OSBPL10: variants seen among roughly 807,000 people sequenced by gnomAD.
OSBPL10 encodes oxysterol binding protein like 10, also known as oxysterol-binding protein-related protein 10.
In OSBPL10, 49 loss-of-function variants were observed where a neutral mutation model predicts 81.7. That is an observed-to-expected ratio of 0.60 (90% confidence interval 0.48 to 0.76). The LOEUF (loss-of-function observed/expected upper bound fraction) is 0.76, where lower values mean the gene tolerates loss of function less well. OSBPL10 is among the 30% of genes least tolerant of loss of function. OSBPL10 has a pLI of 0.00. For missense variants in OSBPL10, 923 were observed against 987.8 expected (o/e 0.93, Z 0.88); for synonymous variants, 419 against 383.6 (o/e 1.09, Z -1.08).
At chr3:31,687,121 G>GC (rs983052269) in intron 7 of OSBPL10, among the ~76,000 whole-genome samples, 20 of 152,194 alleles carry the variant, frequency 1.3e-4, no homozygotes, top group African/African-American at 4.8e-4. Flanking sequence ...TCCGTCTCCT[G>GC]CTCTCTCCCT....
Position 31,879,689 on chromosome 3 carries a change from C to T in OSBPL10, c.423G>A (p.Val141=). 6.2e-7 allele frequency: 1 copy of T among 1,614,106 alleles called. No individual in the cohort carries two copies. The highest frequency in any genetic ancestry group is 8.5e-7 in the Non-Finnish European group (1 of 1,179,994). Residue 141 remains valine, a synonymous_variant, in exon 2 of 12, where the codon GTG becomes GTA. Transcript: ENST00000396556. ...TAAACATCTCTCCATTAGCAGAGTA[C>T]ACCACCAGCATGTGGGGAGCTTCAT... ...LSDEAPHMLV[V]YSANGEMFKL...
At chr3:32,003,689 CA>C (rs969940873) in intron 2 of OSBPL10, among the ~76,000 whole-genome samples, 14 of 152,108 alleles carry the variant, frequency 9.2e-5, no homozygotes, top group Non-Finnish European at 4.4e-5. Context: ...GAACAAAGGG[CA>C]AGGATTTAAT....
intron 2 of OSBPL10, among the ~76,000 whole-genome samples, chr3:32,045,141 G>A (rs992672208): frequency 6.6e-6 from 1 of 152,232 alleles, no homozygotes; most frequent in Non-Finnish European, 1.5e-5. Flanking sequence ...GGGGCCATGA[G>A]CTAGTGTGAA....
intron 1 of OSBPL10, among the ~76,000 whole-genome samples, chr3:31,965,754 TTATA>T (rs1452965273): frequency 1.5e-5 from 1 of 68,778 alleles, no homozygotes. Context: ...ATAATATATA[TTATA>T]TTAAAAGATA....
chr3:31,704,149 G>A (rs1284384397), intron 6 of OSBPL10: 1 of 152,438 alleles, frequency 6.6e-6, no homozygotes, highest in Non-Finnish European at 1.5e-5. Context: ...GCTGCCATGA[G>A]TCTGAATGGC....
intron 1 of OSBPL10, among the ~76,000 whole-genome samples, chr3:32,055,549 TC>T (rs1194017645): frequency 6.6e-6 from 1 of 152,322 alleles, no homozygotes; most frequent in East Asian, 1.9e-4. Flanking sequence ...TATATTTCTC[TC>T]CACTTGATTT....
chr3:31,968,825 T>C (rs1320518276), intron 1 of OSBPL10, among the ~76,000 whole-genome samples: 1 of 152,204 alleles, frequency 6.6e-6, no homozygotes, highest in Non-Finnish European at 1.5e-5. Flanking sequence ...AGGTATCAGC[T>C]GCAGACTTCT....
At chr3:31,774,810 C>T (rs1698504192) in intron 4 of OSBPL10, among the ~76,000 whole-genome samples, 1 of 151,016 alleles carries the variant, frequency 6.6e-6, no homozygotes, top group Admixed American at 6.6e-5. Flanking sequence ...TGCTCCTGGC[C>T]AGAAGTCCTC....
At chr3:31,760,069 G>A (rs1176898914) in intron 4 of OSBPL10, among the ~76,000 whole-genome samples, 2 of 152,024 alleles carry the variant, frequency 1.3e-5, no homozygotes, top group Non-Finnish European at 2.9e-5. Context: ...GCCAAGAGAT[G>A]TTATTTTAAA....
chr3:31,885,834 A>C (rs1247619835), intron 1 of OSBPL10, among the ~76,000 whole-genome samples: 1 of 150,274 alleles, frequency 6.7e-6, no homozygotes, highest in African/African-American at 2.4e-5. Context: ...AATACAAAAA[A>C]AAAAAAAAAA....
intron 4 of OSBPL10, among the ~76,000 whole-genome samples, chr3:31,817,138 G>C (rs1047513175): frequency 1.3e-5 from 2 of 152,178 alleles, no homozygotes; most frequent in Non-Finnish European, 2.9e-5. Flanking sequence ...GCAGCCATGG[G>C]CGGGCCTGGA....
rs567488756 is a variant in OSBPL10 at position 31,757,992 on chromosome 3, T to G, written c.730-9872A>C. ...ACATTTATAAAGCAAGTCTCCATTC[T>G]CTGAACCAGGAAGATAATAAGGATG... On this transcript the variant is annotated intron_variant, in intron 4 of 11. Coordinates refer to ENST00000396556, the MANE Select transcript of OSBPL10 (RefSeq NM_017784.5). 8.6e-4 allele frequency among the ~76,000 whole-genome samples: 131 copies of G among 152,334 alleles called. 1 individual carries two copies. The highest frequency in any genetic ancestry group is 3.0e-3 in the African/African-American group (126 of 41,572).
At chr3:31,974,325 T>C (rs1698639132) in intron 1 of OSBPL10, among the ~76,000 whole-genome samples, 1 of 152,188 alleles carries the variant, frequency 6.6e-6, no homozygotes, top group South Asian at 2.1e-4. Flanking sequence ...TATTAATGCA[T>C]ACAACCACTG....
chr3:31,751,412 A>G (rs1697718184), intron 4 of OSBPL10, among the ~76,000 whole-genome samples: 1 of 147,536 alleles, frequency 6.8e-6, no homozygotes, highest in Admixed American at 7.0e-5. Flanking sequence ...AATAAAAATA[A>G]AAAGTATTCA....
chr3:31,737,257 G>C (rs538555084), intron 5 of OSBPL10, among the ~76,000 whole-genome samples: 1 of 152,146 alleles, frequency 6.6e-6, no homozygotes, highest in African/African-American at 2.4e-5. Flanking sequence ...TTAGGAGGCT[G>C]GATAGAGCTG....
At chr3:31,885,995 CAAA>C (rs397957994) in intron 1 of OSBPL10, among the ~76,000 whole-genome samples, 9 of 62,538 alleles carry the variant, frequency 1.4e-4, no homozygotes, top group African/African-American at 5.7e-4. Context: ...AACTCCATCT[CAAA>C]AAAAAAAAAA....
chr3:31,664,351 G>T, intron 10 of OSBPL10, 119 bp from the exon 11 acceptor site: 1 of 968,390 alleles, frequency 1.0e-6, no homozygotes, highest in Non-Finnish European at 1.5e-6. Context: ...CTCTGGGGTA[G>T]CTCATCCCAG....
chr3:31,809,915 A>G (rs531573357), intron 4 of OSBPL10, among the ~76,000 whole-genome samples: 7 of 106,444 alleles, frequency 6.6e-5, no homozygotes, highest in Admixed American at 4.3e-4. Flanking sequence ...TTTGTTGCCC[A>G]GGCTGGAATG....
intron 1 of OSBPL10, among the ~76,000 whole-genome samples, chr3:32,059,034 C>T (rs148390672): frequency 0.023 from 3,456 of 152,196 alleles, 135 homozygotes; most frequent in African/African-American, 0.079. Flanking sequence ...TGTGGTGGCT[C>T]ATACCTGTAA....
Sources: allele counts gnomAD v4.1 joint callset (sites outside exome capture counted in the v4.1 genomes callset), GRCh38; gene constraint gnomAD v4.1.1; transcripts MANE v1.5; gene names NCBI Gene and HGNC (gene_info 2026-07-23, HGNC 2026-07-21).